TFEC: variants seen among roughly 807,000 people sequenced by gnomAD.
TFEC encodes transcription factor EC, also known as class E basic helix-loop-helix protein 34.
TFEC carries 31 observed loss-of-function variants against 41.6 expected under a neutral mutation model. The ratio of observed to expected loss-of-function variants is 0.74; its 90% CI spans 0.56 to 1.01. The LOEUF (loss-of-function observed/expected upper bound fraction) is 1.01, where lower values mean the gene tolerates loss of function less well. Ranked by LOEUF, TFEC falls within the 50% of genes least tolerant of loss-of-function variation. The pLI is 0.00. For missense variants in TFEC, 402 were observed against 404.1 expected, an observed-to-expected ratio of 0.99 and a Z score of 0.04; for synonymous variants, 143 against 140.6, an observed-to-expected ratio of 1.02 and a Z score of -0.12.
intron 3 of TFEC, among the ~76,000 whole-genome samples, chr7:116,084,140 A>T (rs1008868300): frequency 6.6e-6 from 1 of 151,860 alleles, no homozygotes; most frequent in African/African-American, 2.4e-5. Flanking sequence ...CTACTCTGAC[A>T]CTTTCCCCAA....
At chr7:115,983,374 T>C (rs993061986) in intron 2 of TFEC, among the ~76,000 whole-genome samples, 1 of 152,128 alleles carries the variant, frequency 6.6e-6, no homozygotes, top group African/African-American at 2.4e-5. Context: ...ATTTAAATAA[T>C]GGGATTCTGA....
intron 5 of TFEC, among the ~76,000 whole-genome samples, chr7:115,953,949 G>C (rs905379445): frequency 3.9e-5 from 6 of 152,012 alleles, no homozygotes; most frequent in Non-Finnish European, 7.4e-5. Flanking sequence ...GAACGAAAAG[G>C]CTTCACACTC....
intron 1 of TFEC, among the ~76,000 whole-genome samples, chr7:116,030,310 CAA>C (rs1461848101): frequency 6.6e-6 from 1 of 151,984 alleles, no homozygotes; most frequent in Non-Finnish European, 1.5e-5. Context: ...TAAGAGGCAA[CAA>C]AATGTTAAAT....
chr7:116,046,535 C>G (rs1455310437), intron 3 of TFEC, among the ~76,000 whole-genome samples: 1 of 152,118 alleles, frequency 6.6e-6, no homozygotes, highest in Non-Finnish European at 1.5e-5. Context: ...TTTTTCTTCC[C>G]AGTCTCAGAT....
At chr7:115,952,981 G>A (rs529483955) in intron 5 of TFEC, among the ~76,000 whole-genome samples, 1 of 152,158 alleles carries the variant, frequency 6.6e-6, no homozygotes, top group East Asian at 1.9e-4. Context: ...CAGAGCCTGT[G>A]CAGACCACCT....
In TFEC at chr7:115,950,861, T is replaced by C. The variant is rs572209549; in HGVS notation, c.515+13A>G. Reference sequence around the variant, plus strand: ...AATTATAACATTATTATAGAAATGATTGTTGAACTCACGGATCATTAGACT... The same window carrying C: ...AATTATAACATTATTATAGAAATGACTGTTGAACTCACGGATCATTAGACT... On this transcript the variant is annotated intron_variant, in intron 6 of 7. Transcript: ENST00000265440. 6.3e-6 allele frequency: 10 copies of C among 1,586,970 alleles called. No individual in the cohort carries two copies. The highest frequency in any genetic ancestry group is 5.4e-5 in the African/African-American group (4 of 73,930).
chr7:116,151,173 A>C (rs999380295), intron 1 of TFEC, among the ~76,000 whole-genome samples: 1 of 152,148 alleles, frequency 6.6e-6, no homozygotes, highest in Admixed American at 6.5e-5. Context: ...ATCAATCTTA[A>C]ATTCAAAATA....
intron 2 of TFEC, among the ~76,000 whole-genome samples, chr7:115,980,021 A>T (rs1203663496): frequency 6.6e-6 from 1 of 152,198 alleles, no homozygotes; most frequent in Admixed American, 6.6e-5. Flanking sequence ...TGTACTCAAA[A>T]ACTTGTTCCC....
Position 116,000,261 on chromosome 7 carries a change from C to A in TFEC, c.-72-15748G>T, listed in dbSNP as rs73460621. The stretch of plus-strand genomic sequence containing the variant: ...GAAAAAAGCATTTGATAATATTGAA[C>A]ACTTCAAGATAAAAACCCTCAAAAA... On this transcript the variant is annotated intron_variant, in intron 1 of 7. Coordinates refer to ENST00000265440, the MANE Select transcript of TFEC (RefSeq NM_012252.4). Among the ~76,000 whole-genome samples, 232 of 152,072 alleles carry A rather than the reference C, an allele frequency of 1.5e-3. 1 individual carries two copies. The highest frequency in any genetic ancestry group is 5.5e-3 in the African/African-American group (227 of 41,514).
Position 116,139,396 on chromosome 7 carries a change from C to T in TFEC, c.-69+20394G>A, listed in dbSNP as rs563712663. Among the ~76,000 whole-genome samples, 6 of 152,274 alleles carry T rather than the reference C, an allele frequency of 3.9e-5. No individual in the cohort carries two copies. The East Asian group carries it at 5.8e-4, about 15-fold the overall frequency. On this transcript the variant is annotated intron_variant, in intron 1 of 8. Coordinates refer to the TFEC transcript ENST00000484212. ...TGTCAGAACAATGATCCATTCTCAC[C>T]GCTTCTCAACCCGTCCTCAGCCTTT...
intron 1 of TFEC, among the ~76,000 whole-genome samples, chr7:116,015,481 T>C (rs1795154881): frequency 6.6e-6 from 1 of 152,180 alleles, no homozygotes; most frequent in African/African-American, 2.4e-5. Flanking sequence ...CTAAGCTTTG[T>C]TCTTACAGCC....
intron 3 of TFEC, among the ~76,000 whole-genome samples, chr7:116,053,702 A>G (rs1348847160): frequency 2.6e-5 from 4 of 152,196 alleles, no homozygotes; most frequent in African/African-American, 4.8e-5. Flanking sequence ...GCCTCCCTCC[A>G]TGTGGTATCC....
intron 1 of TFEC, among the ~76,000 whole-genome samples, chr7:116,130,261 G>A (rs546318862): frequency 6.6e-6 from 1 of 152,220 alleles, no homozygotes; most frequent in East Asian, 1.9e-4. Context: ...CCATTCACTA[G>A]CTAGACTATG....
intron 6 of TFEC, among the ~76,000 whole-genome samples, chr7:115,944,177 A>G (rs995062986): frequency 2.0e-5 from 3 of 150,886 alleles, no homozygotes; most frequent in African/African-American, 7.3e-5. Flanking sequence ...ACTTCAAACT[A>G]TTTAGAAAAC....
intron 2 of TFEC, among the ~76,000 whole-genome samples, chr7:115,982,089 T>A (rs1164622908): frequency 6.6e-6 from 1 of 152,156 alleles, no homozygotes; most frequent in Non-Finnish European, 1.5e-5. Context: ...CTAATTCCAA[T>A]TACCAAATCC....
At chr7:116,095,990 A>C (rs553598201) in intron 3 of TFEC, among the ~76,000 whole-genome samples, 5 of 152,302 alleles carry the variant, frequency 3.3e-5, no homozygotes, top group South Asian at 4.1e-4. Flanking sequence ...CCTCTTCTAA[A>C]GTCTAATCCA....
chr7:116,057,836 T>C (rs1796464925), intron 3 of TFEC, among the ~76,000 whole-genome samples: 1 of 151,718 alleles, frequency 6.6e-6, no homozygotes, highest in African/African-American at 2.4e-5. Context: ...TTGTGGTAAG[T>C]TAAAGAACCC....
At chr7:116,107,691 G>A (rs1562971628) in intron 3 of TFEC, among the ~76,000 whole-genome samples, 1 of 152,082 alleles carries the variant, frequency 6.6e-6, no homozygotes, top group South Asian at 2.1e-4. Context: ...TACTCTTACC[G>A]GGAATCATCA....
chr7:116,066,932 G>A (rs1256819218), intron 3 of TFEC, among the ~76,000 whole-genome samples: 1 of 151,948 alleles, frequency 6.6e-6, no homozygotes. Context: ...TTGGCCAAGT[G>A]GTAATTTCAA....
Sources: gnomAD v4.1 joint callset for allele counts (sites outside exome capture counted in the v4.1 genomes callset) on GRCh38, gnomAD v4.1.1 for gene constraint, MANE v1.5 for transcripts, NCBI Gene and HGNC (gene_info 2026-07-23, HGNC 2026-07-21) for gene names.